Variants in RAD51B observed in about 807,000 individuals in gnomAD.
RAD51B encodes the protein RAD51 paralog B.
Under a neutral mutation model 42.2 loss-of-function variants are expected in RAD51B, and 38 were observed. The ratio of observed to expected loss-of-function variants is 0.90; its 90% CI spans 0.70 to 1.18. The LOEUF is 1.18. RAD51B is among the 50% of genes most tolerant of loss of function. The pLI is 0.00. For missense variants in RAD51B, 373 were observed against 400.7 expected, an observed-to-expected ratio of 0.93 and a Z score of 0.59; for synonymous variants, 154 against 145.2, an observed-to-expected ratio of 1.06 and a Z score of -0.43.
intron 7 of RAD51B, among the ~76,000 whole-genome samples, chr14:68,235,851 T>C (rs977417888): frequency 1.3e-5 from 2 of 151,166 alleles, no homozygotes; most frequent in Non-Finnish European, 2.9e-5. Flanking sequence ...GTGGTATATA[T>C]ACACTGTAGA....
Position 67,835,129 on chromosome 14 carries a change from T to C in RAD51B, c.248T>C (p.Leu83Ser). The change falls in exon 4 of 11, where the codon TTA becomes TCA. Residue 83 changes from leucine (L) to serine (S), a missense_variant. Transcript: ENST00000471583. The part of the protein sequence containing the change: ...QRSADFSPAF[L>S]STTLSALDEA... ...TCTGCTGATTTCTCACCAGCATTCT[T>C]ATCTACTACCCTTTCTGCTTTGGAC... 9 of 1,614,090 alleles carry C rather than the reference T, an allele frequency of 5.6e-6. No individual in the cohort carries two copies. The highest frequency in any genetic ancestry group is 6.8e-6 in the Non-Finnish European group (8 of 1,179,974).
intron 8 of RAD51B, among the ~76,000 whole-genome samples, chr14:68,349,684 C>G (rs1452234949): frequency 6.6e-6 from 1 of 152,088 alleles, no homozygotes. Flanking sequence ...TTTTTATATC[C>G]ATGGGGAGCT....
At chr14:68,434,480 G>A (rs1384773893) in intron 9 of RAD51B, among the ~76,000 whole-genome samples, 1 of 152,234 alleles carries the variant, frequency 6.6e-6, no homozygotes, top group Admixed American at 6.5e-5. Context: ...CTGCCTTGCA[G>A]TTCAATCTCA....
chr14:68,456,612 A>G (rs967534171), intron 9 of RAD51B, among the ~76,000 whole-genome samples: 1 of 152,186 alleles, frequency 6.6e-6, no homozygotes, highest in Non-Finnish European at 1.5e-5. Flanking sequence ...TGAAGGGAGA[A>G]ATAGAAATTC....
chr14:68,024,100 G>A (rs1042414131), intron 7 of RAD51B, among the ~76,000 whole-genome samples: 7 of 152,088 alleles, frequency 4.6e-5, no homozygotes, highest in African/African-American at 1.7e-4. Flanking sequence ...TTATTGAATA[G>A]GGAGTTCTTT....
intron 9 of RAD51B, among the ~76,000 whole-genome samples, chr14:68,463,429 A>G (rs1227390098): frequency 6.6e-6 from 1 of 152,220 alleles, no homozygotes; most frequent in African/African-American, 2.4e-5. Flanking sequence ...AGCATATAAT[A>G]TTACAGAATC....
chr14:67,980,679 A>G (rs1395772564), intron 7 of RAD51B, among the ~76,000 whole-genome samples: 1 of 152,250 alleles, frequency 6.6e-6, no homozygotes, highest in Non-Finnish European at 1.5e-5. Context: ...TGCTAAAACA[A>G]TTGGATATTC....
intron 10 of RAD51B, among the ~76,000 whole-genome samples, chr14:68,609,596 C>T (rs777658172): frequency 1.4e-4 from 21 of 152,328 alleles, no homozygotes; most frequent in Non-Finnish European, 2.5e-4. Flanking sequence ...CAGCCTGGAC[C>T]GGAAGCTGTG....
chr14:68,077,682 G>A (rs753663039), intron 7 of RAD51B, among the ~76,000 whole-genome samples: 15 of 152,228 alleles, frequency 9.9e-5, no homozygotes, highest in Non-Finnish European at 1.9e-4. Flanking sequence ...TTGGCCAGGA[G>A]TGGTGGCTCA....
intron 8 of RAD51B, among the ~76,000 whole-genome samples, chr14:68,374,101 G>T (rs909846765): frequency 2.6e-5 from 4 of 152,186 alleles, no homozygotes; most frequent in Admixed American, 6.5e-5. Context: ...AAGAAATTAA[G>T]TAAATTGCCC....
At chr14:68,611,056 G>A (rs978155080) in exon 11 of RAD51B, 1 of 703,204 alleles carries the variant, frequency 1.4e-6, no homozygotes, top group Non-Finnish European at 2.6e-6. Context: ...CTGGTCAGCA[G>A]CAGACTCACA....
chr14:68,359,229 C>T (rs1261833750), intron 8 of RAD51B, among the ~76,000 whole-genome samples: 1 of 152,058 alleles, frequency 6.6e-6, no homozygotes, highest in African/African-American at 2.4e-5. Context: ...GAATTGGCTA[C>T]TCCATAAGGC....
At chr14:67,828,405 G>A (rs1252025049) in intron 3 of RAD51B, among the ~76,000 whole-genome samples, 20 of 151,562 alleles carry the variant, frequency 1.3e-4, no homozygotes, top group South Asian at 2.1e-4. Context: ...GACCTTTGTC[G>A]GATGGATAGA....
intron 7 of RAD51B, among the ~76,000 whole-genome samples, chr14:67,923,710 T>C (rs977438296): frequency 6.6e-6 from 1 of 152,220 alleles, no homozygotes; most frequent in African/African-American, 2.4e-5. Context: ...GTCTTTTTCA[T>C]GTAATGACTT....
downstream of RAD51B, among the ~76,000 whole-genome samples, chr14:68,615,265 CT>C (rs1456727239): frequency 2.0e-5 from 3 of 152,084 alleles, no homozygotes; most frequent in Non-Finnish European, 2.9e-5. Flanking sequence ...TCCTCTTTAA[CT>C]TTTGTCAGTT....
At chr14:68,016,145 A>C (rs960499343) in intron 7 of RAD51B, among the ~76,000 whole-genome samples, 14 of 152,248 alleles carry the variant, frequency 9.2e-5, no homozygotes, top group Admixed American at 4.6e-4. Flanking sequence ...AAAACGATTA[A>C]AATGCTTAGC....
intron 10 of RAD51B, among the ~76,000 whole-genome samples, chr14:68,601,497 C>T (rs1023347358): frequency 3.9e-5 from 6 of 152,074 alleles, no homozygotes; most frequent in African/African-American, 1.4e-4. Flanking sequence ...ACTTGGAGTT[C>T]TTTGGAGAAA....
chr14:68,586,037 T>C (rs1349455957), intron 10 of RAD51B, among the ~76,000 whole-genome samples: 1 of 152,072 alleles, frequency 6.6e-6, no homozygotes, highest in Non-Finnish European at 1.5e-5. Context: ...TCACAGTGAA[T>C]CGGCTGCAAT....
At chr14:68,556,659 A>G (rs1888861928) in intron 10 of RAD51B, among the ~76,000 whole-genome samples, 1 of 152,234 alleles carries the variant, frequency 6.6e-6, no homozygotes, top group South Asian at 2.1e-4. Context: ...AAACCCCTGC[A>G]TGGCCTCTCA....
Sources: gnomAD v4.1 joint callset for allele counts (sites outside exome capture counted in the v4.1 genomes callset) on GRCh38, gnomAD v4.1.1 for gene constraint, MANE v1.5 for transcripts, NCBI Gene and HGNC (gene_info 2026-07-23, HGNC 2026-07-21) for gene names.